The following PHYKPL variants were observed in gnomAD, a reference collection of about 807,000 sequenced individuals.
PHYKPL encodes the protein 5-phosphohydroxy-L-lysine phospho-lyase.
A neutral mutation model predicts 51.3 loss-of-function variants in PHYKPL; 42 were observed. The ratio of observed to expected loss-of-function variants is 0.82; its 90% CI spans 0.64 to 1.06. The LOEUF (loss-of-function observed/expected upper bound fraction) is 1.06. Ranked by LOEUF, PHYKPL falls within the 50% of genes least tolerant of loss-of-function variation. The probability of loss-of-function intolerance (pLI) is 0.00; values close to 1 mark genes in which losing one functional copy is unlikely to be tolerated. For missense variants in PHYKPL, 655 were observed against 586.6 expected (o/e 1.12, Z -1.20); for synonymous variants, 264 against 236.0 (o/e 1.12, Z -1.09).
chr5:178,232,060 G>C, intron 1 of PHYKPL: 1 of 1,190,316 alleles, frequency 8.4e-7, no homozygotes, highest in South Asian at 1.6e-5. Context: ...CGACTCCCCC[G>C]ACTCTCCCTT....
chr5:178,223,018 C>T (rs1203148949), intron 6 of PHYKPL, 84 bp from the exon 7 acceptor site: 1 of 1,293,086 alleles, frequency 7.7e-7, no homozygotes, highest in Non-Finnish European at 1.1e-6. Flanking sequence ...TGGCTTAGTC[C>T]AAGCAAGACA....
chr5:178,228,605 G>A (rs774893855), intron 3 of PHYKPL: 5 of 702,544 alleles, frequency 7.1e-6, no homozygotes, highest in South Asian at 5.9e-5. Flanking sequence ...AAATGAAGAT[G>A]GTGAATTCCA....
intron 8 of PHYKPL, among the ~76,000 whole-genome samples, chr5:178,217,837 G>A (rs1304526323): frequency 2.7e-5 from 4 of 147,794 alleles, no homozygotes; most frequent in Non-Finnish European, 6.0e-5. Flanking sequence ...CAGCCTGGGC[G>A]ACAGAGCGAG....
chr5:178,232,349 G>A (rs1581401604), intron 1 of PHYKPL, 143 bp downstream of exon 1: 5 of 1,279,456 alleles, frequency 3.9e-6, no homozygotes, highest in Non-Finnish European at 4.9e-6. Flanking sequence ...CTCCAGCGGG[G>A]CCGGGGCAGC....
intron 8 of PHYKPL, among the ~76,000 whole-genome samples, chr5:178,218,600 C>T (rs563438841): frequency 4.7e-4 from 72 of 152,302 alleles, no homozygotes; most frequent in African/African-American, 1.4e-3. Flanking sequence ...AGAACCCCAA[C>T]CATGCTGGTG....
chr5:178,222,621 G>C, intron 7 of PHYKPL, 41 bp from the exon 8 acceptor site: 1 of 1,600,806 alleles, frequency 6.2e-7, no homozygotes, highest in Non-Finnish European at 8.6e-7. Context: ...CTGTGGTTGA[G>C]AGGGATAAGA....
chr5:178,222,424 A>G lies in PHYKPL; in HGVS notation c.858T>C (p.Val286=). ...MGKSIGNGHP[V]ACVAATQPVA... The stretch of plus-strand genomic sequence containing the variant: ...CAGGCTGGGTTGCGGCCACGCAGGC[A>G]ACAGGGTGGCCGTTGCCAATGGACT... The change falls in exon 8 of 13, where the codon GTT becomes GTC. Residue 286 remains valine, a synonymous_variant. Coordinates refer to ENST00000308158, the MANE Select transcript of PHYKPL (RefSeq NM_153373.4). The G allele has an allele frequency of 6.2e-7, 1 of 1,614,262 alleles. No homozygotes were observed. The highest frequency in any genetic ancestry group is 8.5e-7 in the Non-Finnish European group (1 of 1,180,046).
In PHYKPL at chr5:178,222,396, C is replaced by T. The variant is rs41285581; in HGVS notation, c.886G>A (p.Ala296Thr). 40 of 1,614,140 alleles carry T rather than the reference C, an allele frequency of 2.5e-5. No individual in the cohort carries two copies. Among genetic ancestry groups the T allele is most frequent in the Non-Finnish European group, 3.1e-5 (36 of 1,179,952 alleles). The change falls in exon 8 of 13, where the codon GCG becomes ACG. Residue 296 changes from alanine to threonine, a missense_variant. Transcript: ENST00000308158. ...ACGCCGGTGGCTTCAAATGCCCTCG[C>T]CACAGGCTGGGTTGCGGCCACGCAG... ...VACVAATQPVARAFEATGVEY... is the reference protein window; with the variant it reads ...VACVAATQPVTRAFEATGVEY...
chr5:178,209,585 A>G, intron 12 of PHYKPL: 1 of 717,818 alleles, frequency 1.4e-6, no homozygotes, highest in Non-Finnish European at 2.4e-6. Flanking sequence ...AGGAATAGGA[A>G]CGGCTCTGGG....
intron 8 of PHYKPL, among the ~76,000 whole-genome samples, chr5:178,219,000 C>T (rs2113826618): frequency 6.6e-6 from 1 of 152,278 alleles, no homozygotes; most frequent in African/African-American, 2.4e-5. Flanking sequence ...TGTAGTATGA[C>T]ATGCACAAAG....
chr5:178,220,181 T>G (rs1296698545), intron 8 of PHYKPL, among the ~76,000 whole-genome samples: 20 of 89,746 alleles, frequency 2.2e-4, no homozygotes, highest in Admixed American at 4.3e-4. Context: ...GGTGACAGAG[T>G]GAGACCCCGT....
intron 10 of PHYKPL, among the ~76,000 whole-genome samples, 172 bp downstream of exon 10, chr5:178,214,624 G>A (rs1025014171): frequency 6.6e-6 from 1 of 152,094 alleles, no homozygotes; most frequent in Admixed American, 6.5e-5. Context: ...CAGCTGATAG[G>A]ATCAGCTGTC....
At chr5:178,220,751 G>T (rs921868335) in intron 8 of PHYKPL, among the ~76,000 whole-genome samples, 2 of 151,268 alleles carry the variant, frequency 1.3e-5, no homozygotes, top group African/African-American at 4.9e-5. Flanking sequence ...AAAAAACATG[G>T]AACGACCTCA....
chr5:178,207,333 A>G, downstream of PHYKPL: 1 of 1,329,458 alleles, frequency 7.5e-7, no homozygotes, highest in Non-Finnish European at 1.0e-6. Flanking sequence ...GGTTGGTCAG[A>G]CTTTACTATT....
intron 3 of PHYKPL, 131 bp downstream of exon 3, chr5:178,229,809 A>AGGAGCCTGGTGCAGTG: frequency 8.6e-7 from 1 of 1,166,978 alleles, no homozygotes; most frequent in Non-Finnish European, 1.2e-6. Context: ...CGGGAATCTC[A>AGGAGCCTGGTGCAGTG]GGAGCCTGGT....
chr5:178,211,229 G>GC (rs979506639), intron 12 of PHYKPL: 2 of 152,812 alleles, frequency 1.3e-5, no homozygotes, highest in African/African-American at 2.4e-5. Context: ...GCGGGGGGGG[G>GC]GTGCCAGGTG....
intron 6 of PHYKPL, among the ~76,000 whole-genome samples, chr5:178,224,174 G>A (rs1327635143): frequency 6.6e-6 from 1 of 152,164 alleles, no homozygotes; most frequent in African/African-American, 2.4e-5. Context: ...CACCCCACCT[G>A]GAGTGGCTGA....
downstream of PHYKPL, among the ~76,000 whole-genome samples, chr5:178,207,400 T>C (rs7705458): frequency 1 from 152,259 of 152,300 alleles, 76,109 homozygotes; most frequent in Middle Eastern, 1. Flanking sequence ...GAAAGACTTC[T>C]CAGGCTGGGA....
At chr5:178,218,238 AG>A (rs371305997) in intron 8 of PHYKPL, among the ~76,000 whole-genome samples, 4 of 132,538 alleles carry the variant, frequency 3.0e-5, no homozygotes, top group East Asian at 2.0e-4. Context: ...AAAAAAAAAA[AG>A]AAAGAAAAGA....
Sources: gnomAD v4.1 joint callset for allele counts (sites outside exome capture counted in the v4.1 genomes callset) on GRCh38, gnomAD v4.1.1 for gene constraint, MANE v1.5 for transcripts, NCBI Gene and HGNC (gene_info 2026-07-23, HGNC 2026-07-21) for gene names.